The following NPRL3 variants were observed in gnomAD, a reference collection of about 807,000 sequenced individuals.
The protein encoded by NPRL3 is GATOR1 complex protein NPRL3.
Under a neutral mutation model 57.2 loss-of-function variants are expected in NPRL3, and 23 were observed. The observed-to-expected ratio is 0.40, with a 90% CI of 0.29 to 0.57. The LOEUF (loss-of-function observed/expected upper bound fraction) is 0.57. Ranked by LOEUF, NPRL3 falls within the 20% of genes least tolerant of loss-of-function variation. NPRL3 has a pLI of 0.42. For missense variants in NPRL3, 691 were observed against 767.1 expected (o/e 0.90, Z 1.17); for synonymous variants, 333 against 321.1 (o/e 1.04, Z -0.39).
intron 2 of NPRL3, among the ~76,000 whole-genome samples, chr16:136,461 G>T (rs1400449243): frequency 6.6e-6 from 1 of 151,904 alleles, no homozygotes; most frequent in Non-Finnish European, 1.5e-5. Context: ...AGGCCAAGGC[G>T]GGCGGATCAC....
intron 3 of NPRL3, chr16:123,495 T>C: frequency 2.1e-6 from 1 of 470,780 alleles, no homozygotes; most frequent in Non-Finnish European, 4.4e-6. Context: ...GGTGGAGAGG[T>C]CTCGGTCTTA....
chr16:123,257 C>T (rs1040359163), intron 3 of NPRL3, among the ~76,000 whole-genome samples: 1 of 152,122 alleles, frequency 6.6e-6, no homozygotes, highest in African/African-American at 2.4e-5. Flanking sequence ...TCCCAGAAGT[C>T]TCCCGGGTGC....
intron 3 of NPRL3, among the ~76,000 whole-genome samples, chr16:130,104 T>G (rs554316209): frequency 6.6e-6 from 1 of 152,262 alleles, no homozygotes; most frequent in Non-Finnish European, 1.5e-5. Flanking sequence ...TATCACCACC[T>G]GAGCCTGGAC....
chr16:92,844 G>A (rs1898822093), intron 10 of NPRL3, 119 bp from the exon 11 acceptor site: 2 of 1,335,730 alleles, frequency 1.5e-6, no homozygotes, highest in Non-Finnish European at 2.1e-6. Flanking sequence ...AGTGCGATGA[G>A]GGCAGAACGG....
chr16:101,411 T>C (rs1351153148), intron 7 of NPRL3, among the ~76,000 whole-genome samples: 1 of 152,206 alleles, frequency 6.6e-6, no homozygotes, highest in African/African-American at 2.4e-5. Flanking sequence ...AAGCCAGCCG[T>C]GCTAGCCAGC....
intron 11 of NPRL3, among the ~76,000 whole-genome samples, chr16:91,586 G>A (rs568631226): frequency 2.0e-5 from 3 of 152,326 alleles, no homozygotes; most frequent in South Asian, 4.1e-4. Context: ...GGTGCAGAGA[G>A]TGCCTTTTAT....
intron 3 of NPRL3, chr16:125,181 AG>A (rs1217104722): frequency 6.5e-6 from 1 of 154,328 alleles, no homozygotes; most frequent in East Asian, 1.9e-4. Flanking sequence ...ACCTGAATCC[AG>A]GAGTGGAAAC....
At chr16:131,315 T>C (rs1900780661) in intron 2 of NPRL3, among the ~76,000 whole-genome samples, 1 of 151,774 alleles carries the variant, frequency 6.6e-6, no homozygotes, top group Non-Finnish European at 1.5e-5. Context: ...CCGTCTCTAC[T>C]AAAAATACAA....
At chr16:134,891 C>T (rs1205751765) in intron 2 of NPRL3, among the ~76,000 whole-genome samples, 3 of 150,870 alleles carry the variant, frequency 2.0e-5, no homozygotes, top group Admixed American at 6.6e-5. Context: ...TTAGTAGAGA[C>T]GGGGTTTCAC....
At chr16:115,371 A>G (rs1343984493) in intron 5 of NPRL3, among the ~76,000 whole-genome samples, 1 of 151,958 alleles carries the variant, frequency 6.6e-6, no homozygotes, top group African/African-American at 2.4e-5. Context: ...ACAAAAGTAT[A>G]TATTTTAAAA....
At chr16:111,979 A>C (rs921795917) in intron 6 of NPRL3, among the ~76,000 whole-genome samples, 3 of 152,198 alleles carry the variant, frequency 2.0e-5, no homozygotes, top group African/African-American at 7.2e-5. Flanking sequence ...GTAGGCCAAA[A>C]AACACTCAAT....
intron 11 of NPRL3, chr16:90,125 C>T: frequency 1.9e-6 from 1 of 524,258 alleles, no homozygotes; most frequent in Non-Finnish European, 3.3e-6. Flanking sequence ...ATCTGGATCA[C>T]ACCTGCACAG....
At chr16:89,058 G>A (rs982315817) in intron 12 of NPRL3, 168 bp from the exon 13 acceptor site, 23 of 648,698 alleles carry the variant, frequency 3.5e-5, no homozygotes, top group East Asian at 1.9e-4. Context: ...GGTGTGACAC[G>A]CCCCTCATAC....
intron 3 of NPRL3, among the ~76,000 whole-genome samples, chr16:127,811 T>A (rs12925183): frequency 2.1e-4 from 32 of 151,442 alleles, no homozygotes. Context: ...CCCGCCACCA[T>A]GCCCGGATAA....
At chr16:103,930 C>T (rs1298048044) in intron 7 of NPRL3, among the ~76,000 whole-genome samples, 1 of 152,166 alleles carries the variant, frequency 6.6e-6, no homozygotes, top group Non-Finnish European at 1.5e-5. Flanking sequence ...GACTGACCAA[C>T]AGGGAGAAAC....
chr16:91,262 C>G (rs1898752873), intron 11 of NPRL3, among the ~76,000 whole-genome samples: 1 of 152,058 alleles, frequency 6.6e-6, no homozygotes, highest in African/African-American at 2.4e-5. Flanking sequence ...ACCTGTAAAC[C>G]CAGCTACTCG....
chr16:95,466 T>C (rs1302938247), intron 9 of NPRL3, among the ~76,000 whole-genome samples: 1 of 151,902 alleles, frequency 6.6e-6, no homozygotes, highest in African/African-American at 2.4e-5. Context: ...ACTTTCTGTG[T>C]CTATAATTTG....
intron 8 of NPRL3, among the ~76,000 whole-genome samples, chr16:99,959 C>CAAAAAAAAAAAAAAAAAAAAA (rs11304941): frequency 1.6e-5 from 1 of 61,016 alleles, no homozygotes; most frequent in Middle Eastern, 0.012. Context: ...CACACCCCCG[C>CAAAAAAAAAAAAAAAAAAAAA]AAAAAAAAAA....
chr16:129,816 C>T (rs1333664093), intron 3 of NPRL3, among the ~76,000 whole-genome samples: 1 of 152,178 alleles, frequency 6.6e-6, no homozygotes, highest in Non-Finnish European at 1.5e-5. Flanking sequence ...AAGCCAAGTC[C>T]TTTACTCCAC....
Sources: allele counts gnomAD v4.1 joint callset (sites outside exome capture counted in the v4.1 genomes callset), GRCh38; gene constraint gnomAD v4.1.1; transcripts MANE v1.5; gene names NCBI Gene and HGNC (gene_info 2026-07-23, HGNC 2026-07-21).